Variants in ACOT13 observed in about 807,000 individuals in gnomAD.
ACOT13 encodes the protein acyl-coenzyme A thioesterase 13.
In ACOT13, 10 loss-of-function variants were observed where a neutral mutation model predicts 11.8. The ratio of observed to expected loss-of-function variants is 0.85; its 90% CI spans 0.53 to 1.44. The LOEUF (loss-of-function observed/expected upper bound fraction) is 1.44. ACOT13 is among the 40% of genes most tolerant of loss of function. ACOT13 has a pLI of 0.00. For missense variants in ACOT13, 172 were observed against 174.1 expected (o/e 0.99, Z 0.07); for synonymous variants, 53 against 61.0 (o/e 0.87, Z 0.61).
rs575221984 is a variant in ACOT13, at chr6:24,704,554, A to C, written c.*2939A>C. On this transcript the variant is annotated 3_prime_UTR_variant, in exon 3 of 3. Transcript: ENST00000230048. ...TGAGAGGTTAAGACAAGAGCTTAGA[A>C]GAGTACCTGGTTATAATAAACATTC... 2 of 152,360 alleles carry C rather than the reference A, an allele frequency of 1.3e-5. No homozygotes were observed. Among genetic ancestry groups the C allele is most frequent in the Admixed American group, 1.3e-4 (2 of 15,300 alleles). 9.4% of individuals were successfully genotyped at this position (152,360 alleles called of 1,614,324 possible).
chr6:24,679,723 T>C (rs989002337), intron 1 of ACOT13, among the ~76,000 whole-genome samples: 2 of 152,182 alleles, frequency 1.3e-5, no homozygotes, highest in African/African-American at 4.8e-5. Context: ...CACCAAACTC[T>C]TCGGGCTGCA....
At chr6:24,692,960 C>G (rs906016494) in intron 1 of ACOT13, among the ~76,000 whole-genome samples, 3 of 152,206 alleles carry the variant, frequency 2.0e-5, no homozygotes, top group African/African-American at 7.2e-5. Context: ...TTTATAGCAT[C>G]TACCTTTCTA....
intron 1 of ACOT13, among the ~76,000 whole-genome samples, chr6:24,676,604 C>T (rs9358792): frequency 4.6e-5 from 7 of 150,910 alleles, no homozygotes; most frequent in Admixed American, 2.0e-4. Context: ...GTTGCTTATC[C>T]GCTTAAGGAG....
chr6:24,667,326 T>G lies in ACOT13; in HGVS notation c.63T>G (p.Phe21Leu). The change falls in exon 1 of 3, where the codon TTT (phenylalanine) becomes TTG (leucine). Residue 21 changes from phenylalanine to leucine, a missense_variant. Transcript: ENST00000230048. Reference sequence around the variant, plus strand: ...AGGCCATGACCAAGGCTCGCAATTTTGAGAGAGTTTTGGGAAAGGTATGGG... The same window carrying G: ...AGGCCATGACCAAGGCTCGCAATTTGGAGAGAGTTTTGGGAAAGGTATGGG... ...VIKAMTKARN[F>L]ERVLGKITLV... The G allele has an allele frequency of 6.2e-7, 1 of 1,614,178 alleles. No homozygotes were observed. Among genetic ancestry groups the G allele is most frequent in the Non-Finnish European group, 8.5e-7 (1 of 1,180,016 alleles).
At chr6:24,681,352 G>T (rs1334703839) in intron 1 of ACOT13, among the ~76,000 whole-genome samples, 1 of 152,236 alleles carries the variant, frequency 6.6e-6, no homozygotes, top group East Asian at 1.9e-4. Context: ...GCTACAGGTT[G>T]CCAGTGGCCT....
chr6:24,693,793 G>A lies in ACOT13; in HGVS notation c.82-4090G>A, dbSNP rs547736696. On this transcript the variant is annotated intron_variant, in intron 1 of 2. Transcript: ENST00000230048. ...GGCTGGAGTGCAGTGGTGCGAACTCGGCTAACCTCCACTTCCACCTCCCAG... is the reference window on the plus strand; with the variant it reads ...GGCTGGAGTGCAGTGGTGCGAACTCAGCTAACCTCCACTTCCACCTCCCAG... Among the ~76,000 whole-genome samples, 139 of 151,138 alleles carry A rather than the reference G, an allele frequency of 9.2e-4. 2 individuals are homozygous for A. In the Middle Eastern group the frequency reaches 0.034, roughly 37 times the overall value.
chr6:24,676,491 G>A (rs1181598863), intron 1 of ACOT13, among the ~76,000 whole-genome samples: 2 of 151,422 alleles, frequency 1.3e-5, no homozygotes, highest in Admixed American at 6.6e-5. Context: ...TGAAGCAATT[G>A]TGAATGGGAG....
intron 1 of ACOT13, among the ~76,000 whole-genome samples, chr6:24,691,290 G>T (rs1157764051): frequency 6.6e-6 from 1 of 152,098 alleles, no homozygotes; most frequent in Non-Finnish European, 1.5e-5. Context: ...CTGAGCCAGA[G>T]ACATACATTC....
chr6:24,679,112 T>G (rs1191392952), intron 1 of ACOT13, among the ~76,000 whole-genome samples: 2 of 152,202 alleles, frequency 1.3e-5, no homozygotes, highest in Non-Finnish European at 2.9e-5. Context: ...TTTTAAAGTG[T>G]CCTTGTAGAC....
At chr6:24,677,214 A>T (rs990076693) in intron 1 of ACOT13, among the ~76,000 whole-genome samples, 3 of 152,216 alleles carry the variant, frequency 2.0e-5, no homozygotes, top group African/African-American at 7.2e-5. Flanking sequence ...TTGAGCAATC[A>T]CATGTTGGCA....
chr6:24,674,499 CCT>C (rs1210545538), intron 1 of ACOT13, among the ~76,000 whole-genome samples: 1 of 152,138 alleles, frequency 6.6e-6, no homozygotes, highest in African/African-American at 2.4e-5. Context: ...GCGTCTGCTT[CCT>C]GTGTTCAAGT....
At chr6:24,676,291 C>T (rs1241122984) in intron 1 of ACOT13, among the ~76,000 whole-genome samples, 2 of 151,934 alleles carry the variant, frequency 1.3e-5, no homozygotes, top group Non-Finnish European at 2.9e-5. Flanking sequence ...ATGGGGATGG[C>T]ATTGAATCTA....
intron 1 of ACOT13, among the ~76,000 whole-genome samples, chr6:24,691,630 C>G (rs1046218489): frequency 6.6e-6 from 1 of 151,932 alleles, no homozygotes; most frequent in Non-Finnish European, 1.5e-5. Context: ...GAAACAGTGA[C>G]GTTTCAATAA....
intron 1 of ACOT13, among the ~76,000 whole-genome samples, chr6:24,680,391 T>G (rs545465754): frequency 3.0e-4 from 45 of 152,134 alleles, no homozygotes; most frequent in South Asian, 6.2e-4. Flanking sequence ...CTTAAGGGCG[T>G]TTTTGCCTTG....
At chr6:24,686,087 G>T (rs1381816528) in intron 1 of ACOT13, among the ~76,000 whole-genome samples, 1 of 151,850 alleles carries the variant, frequency 6.6e-6, no homozygotes, top group Non-Finnish European at 1.5e-5. Context: ...TCCTGCTCTT[G>T]ATATAAAGAT....
intron 1 of ACOT13, among the ~76,000 whole-genome samples, chr6:24,675,247 A>G (rs1281032152): frequency 2.6e-5 from 4 of 152,216 alleles, no homozygotes; most frequent in African/African-American, 9.6e-5. Flanking sequence ...GTATATACCC[A>G]GTAATGGGAT....
At chr6:24,674,402 G>GTTTTT (rs70974927) in intron 1 of ACOT13, among the ~76,000 whole-genome samples, 2 of 150,946 alleles carry the variant, frequency 1.3e-5, no homozygotes, top group Non-Finnish European at 3.0e-5. Context: ...TTTTTGGGGG[G>GTTTTT]TTTTGTTTGT....
At position 24,694,768 on chromosome 6, in the gene ACOT13, C is replaced by G. The variant is rs374077495; in HGVS notation, c.82-3115C>G. Among the ~76,000 whole-genome samples the G allele has an allele frequency of 5.8e-4, 89 of 152,274 alleles. No homozygotes were observed. In the South Asian group the frequency reaches 0.017, roughly 29 times the overall value. The stretch of plus-strand genomic sequence containing the variant: ...GACCTGAGGAGACAAGAATTGAGAA[C>G]ATATAAAGGCATTTATATTGCCATA... On this transcript the variant is annotated intron_variant, in intron 1 of 2. Coordinates refer to ENST00000230048, the MANE Select transcript of ACOT13 (RefSeq NM_018473.4).
chr6:24,702,445 T>C lies in ACOT13; in HGVS notation c.*830T>C, dbSNP rs1263640259. On this transcript the variant is annotated 3_prime_UTR_variant, in exon 3 of 3. Coordinates refer to ENST00000230048, the MANE Select transcript of ACOT13 (RefSeq NM_018473.4). ...TTTTGTAAGGGCACTTACTCCAATC[T>C]TGAGGGTTCTGCCCTCGTGATCTAA... is the stretch of plus-strand genomic sequence containing the variant. 6.6e-6 allele frequency: 1 copy of C among 152,152 alleles called. No homozygotes were observed. The highest frequency in any genetic ancestry group is 2.4e-5 in the African/African-American group (1 of 41,406). The allele number at this position is 152,152 out of a possible 1,614,324, so 9.4% of individuals were successfully genotyped here.
Sources: allele counts gnomAD v4.1 joint callset (sites outside exome capture counted in the v4.1 genomes callset), GRCh38; gene constraint gnomAD v4.1.1; transcripts MANE v1.5; gene names NCBI Gene and HGNC (gene_info 2026-07-23, HGNC 2026-07-21).